The following GC variants were observed in gnomAD, a reference collection of about 807,000 sequenced individuals.
GC encodes the protein GC vitamin D binding protein, also known as vitamin D-binding protein.
Under a neutral mutation model 56.7 loss-of-function variants are expected in GC, and 43 were observed. The ratio of observed to expected loss-of-function variants is 0.76; its 90% CI spans 0.59 to 0.98. GC has a LOEUF of 0.98. Among genes scored for constraint, GC ranks in the 50% least tolerant of loss-of-function variants. GC has a pLI of 0.00. For missense variants in GC, 529 were observed against 545.9 expected, an observed-to-expected ratio of 0.97 and a Z score of 0.31; for synonymous variants, 216 against 202.7, an observed-to-expected ratio of 1.07 and a Z score of -0.56.
At chr4:71,785,255 T>C (rs149236254), upstream of GC, among the ~76,000 whole-genome samples, 352 of 151,840 alleles carry the variant, frequency 2.3e-3, 2 homozygotes, top group Non-Finnish European at 3.9e-3. Context: ...CACCTATTAC[T>C]CTTATTCTAG....
upstream of GC, among the ~76,000 whole-genome samples, chr4:71,789,010 T>C (rs1235771948): frequency 6.6e-6 from 1 of 151,916 alleles, no homozygotes; most frequent in Non-Finnish European, 1.5e-5. Flanking sequence ...TTTCCAACAC[T>C]GAAGCCAGGT....
At chr4:71,744,564 C>T (rs935226046) in intron 12 of GC, among the ~76,000 whole-genome samples, 1 of 151,600 alleles carries the variant, frequency 6.6e-6, no homozygotes, top group African/African-American at 2.4e-5. Context: ...AGGATATCTT[C>T]TCCTATTTTA....
At chr4:71,791,234 G>T (rs899809976) in intron 1 of GC, among the ~76,000 whole-genome samples, 4 of 151,690 alleles carry the variant, frequency 2.6e-5, no homozygotes, top group Admixed American at 2.6e-4. Flanking sequence ...TGTTTATTCA[G>T]GCTTCATAAA....
In GC at chr4:71,768,435, T is replaced by G. The variant is rs112662466; in HGVS notation, c.129-2A>C. The G allele has an allele frequency of 6.3e-7, 1 of 1,599,832 alleles. No homozygotes were observed. The highest frequency in any genetic ancestry group is 1.1e-5 in the South Asian group (1 of 88,200). Reference sequence around the variant, plus strand: ...TTTCTACTGTACAGGACTAGTGACCTGAGGGGAAAATAAGACAATATATCA... The same window carrying G: ...TTTCTACTGTACAGGACTAGTGACCGGAGGGGAAAATAAGACAATATATCA... On this transcript the variant is annotated splice_acceptor_variant, in intron 2 of 12. Transcript: ENST00000273951. LOFTEE classifies it high-confidence loss of function.
At chr4:71,804,081 T>G (rs1322642772), upstream of GC, 1 of 691,738 alleles carries the variant, frequency 1.4e-6, no homozygotes, top group Non-Finnish European at 2.6e-6. Context: ...AAGATTTGTA[T>G]GCAAGCTCCA....
At chr4:71,771,765 C>T (rs557415986) in intron 1 of GC, among the ~76,000 whole-genome samples, 10 of 152,218 alleles carry the variant, frequency 6.6e-5, no homozygotes, top group African/African-American at 1.9e-4. Flanking sequence ...TATTGTGACA[C>T]GTTCAAAAGG....
chr4:71,772,084 C>T (rs1742361976), intron 1 of GC, among the ~76,000 whole-genome samples: 2 of 152,030 alleles, frequency 1.3e-5, no homozygotes, highest in Admixed American at 1.3e-4. Context: ...ATTTAAATAA[C>T]CATATATTGT....
At chr4:71,794,812 G>A (rs901020901) in intron 1 of GC, among the ~76,000 whole-genome samples, 11 of 151,878 alleles carry the variant, frequency 7.2e-5, no homozygotes, top group Admixed American at 3.3e-4. Flanking sequence ...TAAATTTCCC[G>A]CTACATACTG....
At chr4:71,770,898 C>T (rs1477392970) in intron 1 of GC, among the ~76,000 whole-genome samples, 3 of 152,118 alleles carry the variant, frequency 2.0e-5, no homozygotes, top group South Asian at 2.1e-4. Context: ...AGTTCATTCA[C>T]GCTACAGGGA....
At chr4:71,778,891 G>GTTTATTATTA (rs1553950112) in intron 1 of GC, among the ~76,000 whole-genome samples, 1 of 143,318 alleles carries the variant, frequency 7.0e-6, no homozygotes, top group African/African-American at 2.6e-5. Context: ...ATTGCTGTCA[G>GTTTATTATTA]TTATTATTAT....
At chr4:71,746,722 G>A (rs569294557) in intron 11 of GC, among the ~76,000 whole-genome samples, 1 of 124,818 alleles carries the variant, frequency 8.0e-6, no homozygotes, top group Non-Finnish European at 1.6e-5. Context: ...AGTCATGATA[G>A]CAAGTCACTA....
chr4:71,747,682 G>A (rs1741418239), intron 11 of GC, among the ~76,000 whole-genome samples: 1 of 152,130 alleles, frequency 6.6e-6, no homozygotes, highest in African/African-American at 2.4e-5. Flanking sequence ...GGTGTGAGGA[G>A]TTGGAGTATA....
At chr4:71,778,319 T>C (rs72860549) in intron 1 of GC, among the ~76,000 whole-genome samples, 5,050 of 152,050 alleles carry the variant, frequency 0.033, 254 homozygotes, top group African/African-American at 0.12. Flanking sequence ...AAGATACAAT[T>C]ATTTGTTAAT....
chr4:71,765,363 A>C, intron 4 of GC, 69 bp downstream of exon 4: 1 of 1,203,286 alleles, frequency 8.3e-7, no homozygotes. Context: ...TCCACAGAGT[A>C]GGGGGTTAGA....
chr4:71,748,608 A>C (rs1204206626), intron 11 of GC, among the ~76,000 whole-genome samples: 2 of 152,238 alleles, frequency 1.3e-5, no homozygotes, highest in Middle Eastern at 3.4e-3. Context: ...TTTCAAGTCT[A>C]ATTTTGTAAC....
In GC at chr4:71,752,634, T is replaced by C. The variant is rs774814828; in HGVS notation, c.1279A>G (p.Lys427Glu). The C allele has an allele frequency of 1.2e-6, 2 of 1,613,472 alleles. No homozygotes were observed. Among genetic ancestry groups the C allele is most frequent in the Non-Finnish European group, 1.7e-6 (2 of 1,179,522 alleles). ...EYKKKLAERL[K>E]AKLPDATPTE... ...GGTGTGGCATCAGGCAATTTTGCTTTTAGTCGCTCTGCCAGTCTGAAAAAC... is the reference window on the plus strand; with the variant it reads ...GGTGTGGCATCAGGCAATTTTGCTTCTAGTCGCTCTGCCAGTCTGAAAAAC... The change falls in exon 11 of 13, where the codon AAA becomes GAA. Residue 427 changes from lysine (K) to glutamate (E), a missense_variant. By Grantham distance (56) the Lys-to-Glu change is moderately conservative. Transcript: ENST00000273951.
intron 1 of GC, among the ~76,000 whole-genome samples, chr4:71,795,311 C>CT (rs778208434): frequency 4.6e-5 from 7 of 152,198 alleles, no homozygotes; most frequent in Non-Finnish European, 1.0e-4. Context: ...TTGTAGGTCT[C>CT]TAAAGACTTG....
intron 6 of GC, among the ~76,000 whole-genome samples, chr4:71,760,988 T>C (rs1182428482): frequency 6.6e-6 from 1 of 152,168 alleles, no homozygotes; most frequent in East Asian, 1.9e-4. Context: ...AGTAAATTTG[T>C]ACCAGGAGTG....
At chr4:71,769,462 T>A (rs1178761678) in intron 1 of GC, 62 bp from the exon 2 acceptor site, 1 of 1,078,208 alleles carries the variant, frequency 9.3e-7, no homozygotes, top group Non-Finnish European at 1.4e-6. Flanking sequence ...ATGTTACATG[T>A]ACATGTATAA....
Sources: allele counts gnomAD v4.1 joint callset (sites outside exome capture counted in the v4.1 genomes callset), GRCh38; gene constraint gnomAD v4.1.1; transcripts MANE v1.5; gene names NCBI Gene and HGNC (gene_info 2026-07-23, HGNC 2026-07-21).